The following CDH18 variants were observed in gnomAD, a reference collection of about 807,000 sequenced individuals.
The protein encoded by CDH18 is cadherin 18.
CDH18 carries 31 observed loss-of-function variants against 67.9 expected under a neutral mutation model. The observed-to-expected ratio is 0.46, with a 90% confidence interval of 0.34 to 0.62. The LOEUF is 0.62. Ranked by LOEUF, CDH18 falls within the 20% of genes least tolerant of loss-of-function variation. CDH18 has a pLI of 0.01. For missense variants in CDH18, 890 were observed against 975.5 expected (o/e 0.91, Z 1.17); for synonymous variants, 362 against 347.2 (o/e 1.04, Z -0.48).
chr5:20,216,495 T>C (rs1281301451), intron 2 of CDH18, among the ~76,000 whole-genome samples: 1 of 152,016 alleles, frequency 6.6e-6, no homozygotes, highest in African/African-American at 2.4e-5. Context: ...AGAAAGTCAC[T>C]CTTTTAGAAC....
intron 2 of CDH18, among the ~76,000 whole-genome samples, chr5:20,030,164 C>T (rs1739268699): frequency 6.6e-6 from 1 of 152,094 alleles, no homozygotes; most frequent in African/African-American, 2.4e-5. Flanking sequence ...TGAGGGCCAC[C>T]CAAGAAGAGT....
intron 1 of CDH18, among the ~76,000 whole-genome samples, chr5:20,435,947 G>A (rs189347252): frequency 7.2e-5 from 11 of 151,838 alleles, no homozygotes; most frequent in Admixed American, 4.6e-4. Context: ...TTGCCTTTTC[G>A]TTAGGCTTAA....
intron 2 of CDH18, among the ~76,000 whole-genome samples, chr5:19,917,963 A>G (rs996396767): frequency 5.9e-5 from 9 of 152,180 alleles, no homozygotes; most frequent in Non-Finnish European, 1.3e-4. Flanking sequence ...TGAAGCAGAG[A>G]CGTGAGATGT....
intron 4 of CDH18, among the ~76,000 whole-genome samples, chr5:19,736,841 G>A (rs1521025): frequency 0.92 from 139,935 of 152,224 alleles, 65,465 homozygotes; most frequent in East Asian, 1. Context: ...TTTAGCTTGT[G>A]CAGGACAATA....
At chr5:20,379,388 C>A (rs904990887) in intron 1 of CDH18, among the ~76,000 whole-genome samples, 5 of 152,170 alleles carry the variant, frequency 3.3e-5, no homozygotes, top group African/African-American at 1.2e-4. Context: ...ATGCCAACTT[C>A]AGTTTCTCCT....
At chr5:19,756,613 T>G (rs1308112712) in intron 3 of CDH18, among the ~76,000 whole-genome samples, 1 of 152,220 alleles carries the variant, frequency 6.6e-6, no homozygotes, top group Non-Finnish European at 1.5e-5. Context: ...TTCATCTTGA[T>G]AGTCTGGGTC....
At chr5:19,903,100 TTAAATA>T (rs1183513241) in intron 2 of CDH18, among the ~76,000 whole-genome samples, 1 of 151,966 alleles carries the variant, frequency 6.6e-6, no homozygotes, top group African/African-American at 2.4e-5. Flanking sequence ...TTGGAATAAT[TTAAATA>T]TATCTTCCAA....
intron 3 of CDH18, among the ~76,000 whole-genome samples, chr5:19,754,694 C>T (rs529484243): frequency 9.9e-5 from 15 of 152,224 alleles, no homozygotes; most frequent in African/African-American, 2.2e-4. Context: ...TTCCATCCAA[C>T]GGCTGCAATA....
At chr5:20,129,853 T>C (rs182564852) in intron 2 of CDH18, among the ~76,000 whole-genome samples, 6 of 152,124 alleles carry the variant, frequency 3.9e-5, no homozygotes, top group Admixed American at 3.9e-4. Flanking sequence ...AGTAAAATAC[T>C]GATAATAGGT....
chr5:19,618,698 GGGCAGTGGGTCCCA>G (rs1451265577), intron 5 of CDH18, among the ~76,000 whole-genome samples: 1 of 152,118 alleles, frequency 6.6e-6, no homozygotes. Flanking sequence ...TTAGAATCCA[GGGCAGTGGGTCCCA>G]GGCATAAGTT....
intron 2 of CDH18, among the ~76,000 whole-genome samples, chr5:20,064,543 A>G (rs1346424368): frequency 1.3e-5 from 2 of 152,064 alleles, no homozygotes; most frequent in African/African-American, 4.8e-5. Flanking sequence ...GTATGATTTT[A>G]TTTGTGTGTT....
At chr5:19,502,597 A>G in intron 11 of CDH18, 1 of 380,138 alleles carries the variant, frequency 2.6e-6, no homozygotes, top group Non-Finnish European at 4.7e-6. Flanking sequence ...CCTTGCTCAT[A>G]CAAGATGATT....
At chr5:19,522,878 G>A (rs140228748) in intron 9 of CDH18, among the ~76,000 whole-genome samples, 1 of 130,308 alleles carries the variant, frequency 7.7e-6, no homozygotes, top group African/African-American at 3.0e-5. Flanking sequence ...CTGAGTGACA[G>A]AGTGAGACTC....
intron 2 of CDH18, among the ~76,000 whole-genome samples, chr5:19,978,456 T>C (rs1798712643): frequency 6.6e-6 from 1 of 152,136 alleles, no homozygotes; most frequent in African/African-American, 2.4e-5. Flanking sequence ...TTTATATATA[T>C]GCAGGAACTT....
chr5:20,004,431 C>T (rs879477981), intron 2 of CDH18, among the ~76,000 whole-genome samples: 2 of 152,174 alleles, frequency 1.3e-5, no homozygotes, highest in Non-Finnish European at 2.9e-5. Context: ...TTGCATTCAG[C>T]CCTCCCTTTA....
intron 1 of CDH18, among the ~76,000 whole-genome samples, chr5:20,331,196 G>A (rs1444472573): frequency 6.6e-6 from 1 of 152,174 alleles, no homozygotes; most frequent in Non-Finnish European, 1.5e-5. Flanking sequence ...TTCAGGACTA[G>A]TAGTATAAAG....
intron 2 of CDH18, among the ~76,000 whole-genome samples, chr5:20,254,891 A>T (rs1160540946): frequency 1.3e-5 from 1 of 77,168 alleles, no homozygotes; most frequent in South Asian, 5.0e-4. Flanking sequence ...AGATCGGATA[A>T]AAAAAAAATG....
At chr5:19,938,469 C>A (rs1056230823) in intron 2 of CDH18, among the ~76,000 whole-genome samples, 7 of 151,410 alleles carry the variant, frequency 4.6e-5, no homozygotes, top group African/African-American at 1.7e-4. Flanking sequence ...CAATAAGGTA[C>A]ATACATTTAT....
chr5:20,544,526 T>G (rs4613712), intron 1 of CDH18, among the ~76,000 whole-genome samples: 67,002 of 151,874 alleles, frequency 0.44, 15,210 homozygotes, highest in East Asian at 0.57. Flanking sequence ...AACAATCATA[T>G]TGGAAGGCAA....
Sources: gnomAD v4.1 joint callset for allele counts (sites outside exome capture counted in the v4.1 genomes callset) on GRCh38, gnomAD v4.1.1 for gene constraint, MANE v1.5 for transcripts, NCBI Gene and HGNC (gene_info 2026-07-23, HGNC 2026-07-21) for gene names.